Variants in FGF13 observed in about 807,000 individuals in gnomAD.
FGF13 encodes the protein fibroblast growth factor 13, also known as fibroblast growth factor homologous factor 2.
A neutral mutation model predicts 19.5 loss-of-function variants in FGF13; 2 were observed. The ratio of observed to expected loss-of-function variants is 0.10; its 90% CI spans 0.04 to 0.32. FGF13 has a LOEUF of 0.32. Among genes scored for constraint, FGF13 ranks in the 10% least tolerant of loss-of-function variants. The pLI is 1.00. For missense variants in FGF13, 113 were observed against 192.7 expected (o/e 0.59, Z 2.45); for synonymous variants, 72 against 76.9 (o/e 0.94, Z 0.33).
At chrX:139,181,654 T>C (rs2084239157) in intron 1 of FGF13, among the ~76,000 whole-genome samples, 1 of 112,613 alleles carries the variant, frequency 8.9e-6, no homozygotes, top group South Asian at 3.6e-4. Flanking sequence ...GACACTATGC[T>C]TGAATTACAC....
chrX:138,831,608 GAATA>G (rs2091073351), intron 3 of FGF13, among the ~76,000 whole-genome samples: 1 of 111,212 alleles, frequency 9.0e-6, no homozygotes, highest in African/African-American at 3.3e-5. Flanking sequence ...TTTAGAATAG[GAATA>G]TATATTCTAT....
rs1365957037 is a variant in FGF13 at position 138,615,493 on chromosome X, T to TATA, written c.*17354_*17356dup. 1 of 111,179 alleles carries TATA rather than the reference T, an allele frequency of 9.0e-6. No homozygotes were observed. The highest frequency in any genetic ancestry group is 9.6e-5 in the Admixed American group (1 of 10,432). 9.2% of individuals were successfully genotyped at this position (111,179 alleles called of 1,213,427 possible). A position where few individuals can be genotyped will look rare whatever the true frequency, so the allele number is the denominator to read the frequency against. On this transcript the variant is annotated 3_prime_UTR_variant, in exon 5 of 5. Transcript: ENST00000315930. The stretch of plus-strand genomic sequence containing the variant: ...TAGCTTTCTTCATATGAAGATAAGG[T>TATA]ATAGGGAAGAGTCATATCTAGTATT...
intron 1 of FGF13, among the ~76,000 whole-genome samples, chrX:138,957,146 A>G (rs140958513): frequency 0.013 from 1,407 of 111,932 alleles, 28 homozygotes; most frequent in African/African-American, 0.043. Flanking sequence ...AGAATTAGAG[A>G]AATCATCAAA....
chrX:138,932,482 G>C, intron 1 of FGF13, among the ~76,000 whole-genome samples: 1 of 102,278 alleles, frequency 9.8e-6, no homozygotes, highest in Non-Finnish European at 2.0e-5. Flanking sequence ...TGGAGGCTGA[G>C]GTGGCAGAGT....
At chrX:139,146,671 T>G (rs1407747998) in intron 1 of FGF13, among the ~76,000 whole-genome samples, 1 of 111,996 alleles carries the variant, frequency 8.9e-6, no homozygotes, top group Non-Finnish European at 1.9e-5. Flanking sequence ...CATACACATG[T>G]ATGTTTATAG....
At chrX:139,154,409 G>T (rs1284170525) in intron 1 of FGF13, among the ~76,000 whole-genome samples, 1 of 111,720 alleles carries the variant, frequency 9.0e-6, no homozygotes, top group Non-Finnish European at 1.9e-5. Flanking sequence ...CAGCAACAGG[G>T]AGGTATCCAG....
intron 1 of FGF13, among the ~76,000 whole-genome samples, chrX:139,180,131 G>A (rs2084227278): frequency 8.9e-6 from 1 of 112,093 alleles, no homozygotes; most frequent in African/African-American, 3.2e-5. Context: ...CTCACCTACT[G>A]CTTTTATCAT....
intron 1 of FGF13, among the ~76,000 whole-genome samples, chrX:139,116,127 C>T (rs995542583): frequency 8.9e-6 from 1 of 112,164 alleles, no homozygotes; most frequent in African/African-American, 3.2e-5. Context: ...TCAGTTCAAG[C>T]ATGTCATACA....
At chrX:138,910,418 C>G (rs781129494) in intron 1 of FGF13, among the ~76,000 whole-genome samples, 1 of 111,000 alleles carries the variant, frequency 9.0e-6, no homozygotes. Flanking sequence ...GCAAAACCAG[C>G]AAGATTAGAA....
intron 1 of FGF13, among the ~76,000 whole-genome samples, chrX:138,890,017 C>G (rs2091469090): frequency 9.1e-6 from 1 of 109,698 alleles, no homozygotes; most frequent in Admixed American, 9.7e-5. Flanking sequence ...CAACCTCCAC[C>G]TCCCGGGTTC....
At chrX:139,204,200 G>A, upstream of FGF13, 2 of 821,908 alleles carry the variant, frequency 2.4e-6, no homozygotes, top group South Asian at 2.2e-5. Flanking sequence ...GGCAAGTCTC[G>A]ACCACGAGCT....
intron 3 of FGF13, among the ~76,000 whole-genome samples, chrX:138,645,441 CA>C (rs1043494686): frequency 2.7e-5 from 3 of 111,894 alleles, no homozygotes; most frequent in African/African-American, 6.5e-5. Context: ...GAGCTCAGCT[CA>C]AAGTTGCCTC....
At chrX:139,028,928 A>G (rs750497744) in intron 1 of FGF13, among the ~76,000 whole-genome samples, 90 of 110,249 alleles carry the variant, frequency 8.2e-4, no homozygotes, top group Non-Finnish European at 1.5e-3. Flanking sequence ...TTTTTAAAGC[A>G]CTAGTATAGA....
At chrX:138,774,351 G>T (rs1304318575) in intron 3 of FGF13, among the ~76,000 whole-genome samples, 4 of 111,853 alleles carry the variant, frequency 3.6e-5, no homozygotes, top group Non-Finnish European at 7.5e-5. Flanking sequence ...TGCTATGCAT[G>T]AGGAATTATT....
rs141234933 is a variant in FGF13, at chrX:139,137,359, T to C, written c.-113+66057A>G. Reference sequence around the variant, plus strand: ...CAAGCAACTGAACTTGTAGAACACATACCAACCAAATTTCCAAAAGTTCTC... The same window carrying C: ...CAAGCAACTGAACTTGTAGAACACACACCAACCAAATTTCCAAAAGTTCTC... On this transcript the variant is annotated intron_variant, in intron 1 of 2. Coordinates refer to the FGF13 transcript ENST00000421460. Among the ~76,000 whole-genome samples, 41 of 112,176 alleles carry C rather than the reference T, an allele frequency of 3.7e-4. No individual in the cohort carries two copies. The East Asian group carries it at 0.011, about 30-fold the overall frequency.
At chrX:138,779,278 C>G (rs765177840) in intron 3 of FGF13, among the ~76,000 whole-genome samples, 380 of 111,427 alleles carry the variant, frequency 3.4e-3, no homozygotes, top group Non-Finnish European at 5.1e-3. Flanking sequence ...CCAAAGGAAC[C>G]CAGCTCCTCA....
intron 1 of FGF13, among the ~76,000 whole-genome samples, chrX:138,975,670 G>T (rs2091936889): frequency 8.9e-6 from 1 of 111,843 alleles, no homozygotes; most frequent in South Asian, 3.8e-4. Flanking sequence ...AAAGGGCCTT[G>T]GAGGAAGAAT....
intron 3 of FGF13, among the ~76,000 whole-genome samples, chrX:138,824,373 CAAT>C (rs1460051241): frequency 9.0e-6 from 1 of 111,694 alleles, no homozygotes; most frequent in Non-Finnish European, 1.9e-5. Flanking sequence ...AAGAAGAAAA[CAAT>C]AAGATACATG....
chrX:138,774,522 A>G (rs1242102179), intron 3 of FGF13, among the ~76,000 whole-genome samples: 1 of 111,687 alleles, frequency 9.0e-6, no homozygotes, highest in African/African-American at 3.3e-5. Context: ...AAACTGAGAG[A>G]GTTTGGTGCC....
Sources: gnomAD v4.1 joint callset for allele counts (sites outside exome capture counted in the v4.1 genomes callset) on GRCh38, gnomAD v4.1.1 for gene constraint, MANE v1.5 for transcripts, NCBI Gene and HGNC (gene_info 2026-07-23, HGNC 2026-07-21) for gene names.